CRLS1: variants seen among roughly 807,000 people sequenced by gnomAD.
CRLS1 encodes cardiolipin synthase (CMP-forming).
Under a neutral mutation model 37.0 loss-of-function variants are expected in CRLS1, and 24 were observed. The ratio of observed to expected loss-of-function variants is 0.65; its 90% CI spans 0.47 to 0.91. CRLS1 has a LOEUF of 0.91. Among genes scored for constraint, CRLS1 ranks in the 40% least tolerant of loss-of-function variants. The pLI is 0.00. For synonymous variants in CRLS1, 135 were observed against 159.7 expected (o/e 0.85, Z 1.17); for missense variants, 373 against 395.8 (o/e 0.94, Z 0.49).
chr20:6,023,231 A>C (rs1979415315), intron 3 of CRLS1: 1 of 151,998 alleles, frequency 6.6e-6, no homozygotes, highest in Admixed American at 6.6e-5. Flanking sequence ...TCATTTGTTC[A>C]CTGTTTCTGT....
chr20:6,013,615 G>T (rs1400153535), intron 2 of CRLS1, among the ~76,000 whole-genome samples: 1 of 152,150 alleles, frequency 6.6e-6, no homozygotes, highest in Non-Finnish European at 1.5e-5. Flanking sequence ...CGAGAGGGAT[G>T]GAGTTAGGTC....
At chr20:6,032,799 A>G (rs182710232) in intron 5 of CRLS1, among the ~76,000 whole-genome samples, 1 of 152,266 alleles carries the variant, frequency 6.6e-6, no homozygotes, top group African/African-American at 2.4e-5. Flanking sequence ...TCCCATCTTT[A>G]ATGTCAAGGA....
At chr20:6,034,806 C>T (rs1215496322) in intron 6 of CRLS1, among the ~76,000 whole-genome samples, 1 of 152,038 alleles carries the variant, frequency 6.6e-6, no homozygotes, top group Non-Finnish European at 1.5e-5. Context: ...GAGATAACTT[C>T]GTAGGAAGAA....
chr20:6,009,726 G>A, intron 1 of CRLS1, 49 bp from the exon 2 acceptor site: 2 of 1,512,460 alleles, frequency 1.3e-6, no homozygotes, highest in Non-Finnish European at 1.8e-6. Flanking sequence ...GTTATTCAAA[G>A]TATGAATTCA....
chr20:6,029,358 C>T (rs1225115877), intron 3 of CRLS1, among the ~76,000 whole-genome samples: 2 of 127,574 alleles, frequency 1.6e-5, no homozygotes, highest in African/African-American at 2.9e-5. Context: ...ATTTGCTGCT[C>T]TTTTTTTTTT....
At chr20:6,018,075 A>G (rs1017759266) in intron 3 of CRLS1, among the ~76,000 whole-genome samples, 3 of 151,796 alleles carry the variant, frequency 2.0e-5, no homozygotes, top group African/African-American at 7.3e-5. Flanking sequence ...AATTAGCCAT[A>G]TGTGGTGGCA....
At chr20:6,031,562 T>A (rs1298451310) in intron 4 of CRLS1, among the ~76,000 whole-genome samples, 192 bp downstream of exon 4, 2 of 152,202 alleles carry the variant, frequency 1.3e-5, no homozygotes, top group Admixed American at 6.5e-5. Context: ...TAATTTAACC[T>A]CTACCATGGA....
chr20:6,032,117 G>T (rs752673997), intron 5 of CRLS1, 37 bp downstream of exon 5: 33 of 1,507,770 alleles, frequency 2.2e-5, no homozygotes, highest in Non-Finnish European at 3.0e-5. Context: ...TTATTCCTTT[G>T]TAAATTTTTA....
At chr20:6,015,318 T>A in intron 2 of CRLS1, 43 bp from the exon 3 acceptor site, 1 of 1,324,332 alleles carries the variant, frequency 7.6e-7, no homozygotes, top group Non-Finnish European at 1.0e-6. Context: ...GCTTTGTTCC[T>A]GTTATGACAT....
At chr20:6,016,835 T>G (rs1443249063) in intron 3 of CRLS1, among the ~76,000 whole-genome samples, 1 of 152,198 alleles carries the variant, frequency 6.6e-6, no homozygotes, top group Non-Finnish European at 1.5e-5. Flanking sequence ...TTCCTTTGCT[T>G]TAAGTTACTC....
At chr20:6,036,242 G>A (rs1273067886) in intron 6 of CRLS1, among the ~76,000 whole-genome samples, 5 of 152,166 alleles carry the variant, frequency 3.3e-5, no homozygotes, top group South Asian at 2.1e-4. Flanking sequence ...GAGCCACTGC[G>A]TCCAGCTAGA....
intron 2 of CRLS1, among the ~76,000 whole-genome samples, chr20:6,013,996 T>C (rs1162876397): frequency 6.6e-6 from 1 of 152,210 alleles, no homozygotes; most frequent in Non-Finnish European, 1.5e-5. Context: ...GGTCAGAAAC[T>C]GAACTAAACC....
chr20:6,031,064 T>TC (rs1980127465), intron 3 of CRLS1: 1 of 411,824 alleles, frequency 2.4e-6, no homozygotes. Flanking sequence ...TTCAAAGCCA[T>TC]AGTCTGTACT....
chr20:6,009,975 G>T, intron 2 of CRLS1, 63 bp downstream of exon 2: 3 of 1,514,704 alleles, frequency 2.0e-6, no homozygotes, highest in Admixed American at 3.8e-5. Flanking sequence ...CTACTAAACC[G>T]AAATAGCATA....
At chr20:6,032,169 A>T in intron 5 of CRLS1, 89 bp downstream of exon 5, 2 of 1,055,706 alleles carry the variant, frequency 1.9e-6, no homozygotes, top group South Asian at 2.7e-5. Flanking sequence ...GCTGAAAATG[A>T]GACAAATTTA....
At position 6,009,498 on chromosome 20, in the gene CRLS1, C is replaced by T. The variant is rs373024658; in HGVS notation, c.307-277C>T. On this transcript the variant is annotated intron_variant, in intron 1 of 6. Transcript: ENST00000378863. ...CCCAGGCTGGTCTCTAATTCCTGGG[C>T]TTAAGGGATCCTCCCGCCTCAGCCT... Among the ~76,000 whole-genome samples the T allele has an allele frequency of 2.8e-4, 43 of 151,882 alleles. 1 individual carries two copies. The East Asian group carries it at 6.2e-3, about 22-fold the overall frequency.
intron 6 of CRLS1, among the ~76,000 whole-genome samples, chr20:6,034,774 T>C (rs1980427907): frequency 6.8e-6 from 1 of 147,380 alleles, no homozygotes; most frequent in African/African-American, 2.7e-5. Context: ...GTACTGATAA[T>C]GTGTTAAGGG....
intron 3 of CRLS1, among the ~76,000 whole-genome samples, chr20:6,023,750 T>TA (rs35084961): frequency 6.7e-4 from 98 of 146,356 alleles, no homozygotes; most frequent in African/African-American, 1.2e-3. Context: ...TTGTCTTCAT[T>TA]AAAAAAAAAA....
In CRLS1 at chr20:6,021,838, C is replaced by T. The variant is rs781564523; in HGVS notation, c.574+6348C>T. Among the ~76,000 whole-genome samples, 5 of 152,210 alleles carry T rather than the reference C, an allele frequency of 3.3e-5. No homozygotes were observed. The East Asian group carries it at 9.6e-4, about 29-fold the overall frequency. Reference sequence around the variant, plus strand: ...ACTCTACTAGTTTGAAAGTTTTACACGGTTTCCATCCAGTTTTCCTCCAAG... The same window carrying T: ...ACTCTACTAGTTTGAAAGTTTTACATGGTTTCCATCCAGTTTTCCTCCAAG... On this transcript the variant is annotated intron_variant, in intron 3 of 6. Transcript: ENST00000378863.
Sources: allele counts gnomAD v4.1 joint callset (sites outside exome capture counted in the v4.1 genomes callset), GRCh38; gene constraint gnomAD v4.1.1; transcripts MANE v1.5; gene names NCBI Gene and HGNC (gene_info 2026-07-23, HGNC 2026-07-21).